TSHZ2: variants seen among roughly 807,000 people sequenced by gnomAD.
TSHZ2 encodes teashirt homolog 2.
Under a neutral mutation model 74.4 loss-of-function variants are expected in TSHZ2, and 21 were observed. The observed-to-expected ratio is 0.28, with a 90% CI of 0.20 to 0.41. TSHZ2 has a LOEUF of 0.41. TSHZ2 is among the 10% of genes least tolerant of loss of function. The probability of loss-of-function intolerance (pLI) is 1.00; values close to 1 mark genes in which losing one functional copy is unlikely to be tolerated. For missense variants in TSHZ2, 1,244 were observed against 1,293.5 expected, an observed-to-expected ratio of 0.96 and a Z score of 0.59; for synonymous variants, 540 against 515.3, an observed-to-expected ratio of 1.05 and a Z score of -0.65.
rs1284905142 is a variant in TSHZ2, at chr20:53,461,044, C to G, written c.*9-26100C>G. Among the ~76,000 whole-genome samples the G allele has an allele frequency of 5.4e-4, 82 of 152,278 alleles. 1 individual carries two copies. Among genetic ancestry groups the G allele is most frequent in the African/African-American group, 1.8e-3 (76 of 41,552 alleles). ...GTGGAGCCTACAGAGGCAGGCAGGC[C>G]TCCTTGAGCTGTGGTGGGCTCCACC... On this transcript the variant is annotated intron_variant, in intron 2 of 2. Transcript: ENST00000371497.
At chr20:53,195,383 T>C (rs1452526145) in intron 1 of TSHZ2, among the ~76,000 whole-genome samples, 1 of 152,198 alleles carries the variant, frequency 6.6e-6, no homozygotes, top group East Asian at 1.9e-4. Flanking sequence ...TGTTTTCCCA[T>C]GGTAAGCTGA....
At chr20:53,270,900 ATTGT>A (rs1990821318) in intron 2 of TSHZ2, among the ~76,000 whole-genome samples, 1 of 151,998 alleles carries the variant, frequency 6.6e-6, no homozygotes, top group East Asian at 1.9e-4. Context: ...GTCATCTTTA[ATTGT>A]TTATGACTAC....
chr20:53,064,551 G>A (rs6022262), intron 1 of TSHZ2, among the ~76,000 whole-genome samples: 1 of 152,168 alleles, frequency 6.6e-6, no homozygotes, highest in South Asian at 2.1e-4. Context: ...GAGGATTTCA[G>A]GAGTTTAAGA....
rs187334977 is a variant in TSHZ2 at position 53,308,526 on chromosome 20, A to G, written c.*8+51955A>G. Among the ~76,000 whole-genome samples, 110 of 152,232 alleles carry G rather than the reference A, an allele frequency of 7.2e-4. No individual in the cohort carries two copies. In the East Asian group the frequency reaches 9.6e-3, roughly 13 times the overall value. On this transcript the variant is annotated intron_variant, in intron 2 of 2. Coordinates refer to ENST00000371497, the MANE Select transcript of TSHZ2 (RefSeq NM_173485.6). The stretch of plus-strand genomic sequence containing the variant: ...GTTGTACCAGCAAAAGGCCACCGAC[A>G]CTTAGGAATGATCCATGTCGAATGC...
chr20:53,051,492 C>T (rs910384461), intron 1 of TSHZ2, among the ~76,000 whole-genome samples: 3 of 148,130 alleles, frequency 2.0e-5, no homozygotes, highest in African/African-American at 7.9e-5. Flanking sequence ...CACACACACA[C>T]ACAATTCAGG....
At chr20:53,387,613 C>A (rs73913718) in intron 2 of TSHZ2, among the ~76,000 whole-genome samples, 1 of 152,184 alleles carries the variant, frequency 6.6e-6, no homozygotes, top group Non-Finnish European at 1.5e-5. Flanking sequence ...ACCAACCTGA[C>A]ACTTGGACTC....
chr20:52,984,599 G>A (rs1037264165), intron 1 of TSHZ2, among the ~76,000 whole-genome samples: 3 of 152,134 alleles, frequency 2.0e-5, no homozygotes, highest in Non-Finnish European at 2.9e-5. Flanking sequence ...GTAAAGATAA[G>A]CAAGCAAGGG....
intron 1 of TSHZ2, among the ~76,000 whole-genome samples, chr20:53,161,207 T>G (rs1987930993): frequency 6.7e-6 from 1 of 148,826 alleles, no homozygotes; most frequent in African/African-American, 2.5e-5. Context: ...GAGAGCTCAT[T>G]ATTGAGGAAA....
intron 1 of TSHZ2, among the ~76,000 whole-genome samples, chr20:53,077,670 G>C (rs1211202732): frequency 2.0e-5 from 3 of 152,188 alleles, no homozygotes; most frequent in African/African-American, 7.2e-5. Context: ...CAGGGTAGTG[G>C]AGGTATCAAA....
chr20:53,391,616 C>A (rs1413151536), intron 2 of TSHZ2, among the ~76,000 whole-genome samples: 3 of 152,118 alleles, frequency 2.0e-5, no homozygotes, highest in Admixed American at 6.6e-5. Flanking sequence ...ATTTTAAAGA[C>A]ATTCCTTCTG....
chr20:53,344,523 A>G (rs1980357959), intron 2 of TSHZ2, among the ~76,000 whole-genome samples: 1 of 152,170 alleles, frequency 6.6e-6, no homozygotes, highest in African/African-American at 2.4e-5. Flanking sequence ...GTTCTGGCCA[A>G]AAGTCAAGCT....
At chr20:52,974,138 C>CTTT (rs895437361) in intron 1 of TSHZ2, among the ~76,000 whole-genome samples, 8 of 151,440 alleles carry the variant, frequency 5.3e-5, no homozygotes, top group Non-Finnish European at 8.8e-5. Context: ...GTTTTTTTTT[C>CTTT]TTTTGGGTTG....
intron 2 of TSHZ2, among the ~76,000 whole-genome samples, chr20:53,454,348 G>A (rs1318638414): frequency 2.0e-5 from 3 of 152,202 alleles, no homozygotes; most frequent in Admixed American, 2.0e-4. Flanking sequence ...CAGATCACGA[G>A]GTCAGGATTT....
chr20:53,268,492 T>A (rs1990764340), intron 2 of TSHZ2, among the ~76,000 whole-genome samples: 1 of 152,082 alleles, frequency 6.6e-6, no homozygotes, highest in Admixed American at 6.5e-5. Context: ...GAAACAGGAT[T>A]TGAGTACCAC....
At chr20:53,236,858 G>T (rs1352895394) in intron 1 of TSHZ2, among the ~76,000 whole-genome samples, 1 of 152,160 alleles carries the variant, frequency 6.6e-6, no homozygotes, top group African/African-American at 2.4e-5. Context: ...AAAACCATCA[G>T]ATCTCATGAG....
At chr20:53,197,952 G>A (rs562380604) in intron 1 of TSHZ2, among the ~76,000 whole-genome samples, 11 of 152,228 alleles carry the variant, frequency 7.2e-5, no homozygotes, top group African/African-American at 2.2e-4. Context: ...AAGGTGACCC[G>A]ACAGGCAATA....
intron 1 of TSHZ2, among the ~76,000 whole-genome samples, chr20:53,211,677 G>A (rs1295575067): frequency 1.3e-5 from 2 of 152,184 alleles, no homozygotes; most frequent in East Asian, 3.9e-4. Context: ...TTATGCCGCT[G>A]CATTCCGGCC....
chr20:53,304,305 C>T (rs1457412062), intron 2 of TSHZ2, among the ~76,000 whole-genome samples: 5 of 150,580 alleles, frequency 3.3e-5, no homozygotes, highest in African/African-American at 1.2e-4. Context: ...GAGGTGAGTA[C>T]AGCAAACAAT....
intron 1 of TSHZ2, among the ~76,000 whole-genome samples, chr20:53,226,024 A>G (rs1488079941): frequency 6.6e-6 from 1 of 152,216 alleles, no homozygotes; most frequent in East Asian, 1.9e-4. Flanking sequence ...TAAAGAATAA[A>G]TATACATGTA....
Sources: allele counts gnomAD v4.1 joint callset (sites outside exome capture counted in the v4.1 genomes callset), GRCh38; gene constraint gnomAD v4.1.1; transcripts MANE v1.5; gene names NCBI Gene and HGNC (gene_info 2026-07-23, HGNC 2026-07-21).